The following VWA3B variants were observed in gnomAD, a reference collection of about 807,000 sequenced individuals.
VWA3B encodes the protein von Willebrand factor A domain-containing protein 3B.
Under a neutral mutation model 158.3 loss-of-function variants are expected in VWA3B, and 138 were observed. The ratio of observed to expected loss-of-function variants is 0.87; its 90% CI spans 0.76 to 1.00. The LOEUF (loss-of-function observed/expected upper bound fraction) is 1.00. Ranked by LOEUF, VWA3B falls within the 50% of genes least tolerant of loss-of-function variation. The pLI, the probability that VWA3B is intolerant of heterozygous loss-of-function variation, is 0.00. For missense variants in VWA3B, 1,555 were observed against 1,565.1 expected (o/e 0.99, Z 0.11); for synonymous variants, 596 against 587.3 (o/e 1.01, Z -0.21).
chr2:98,159,282 T>G (rs2105221291), intron 7 of VWA3B, among the ~76,000 whole-genome samples: 1 of 152,322 alleles, frequency 6.6e-6, no homozygotes, highest in Middle Eastern at 3.4e-3. Flanking sequence ...GTTTTTGAGA[T>G]GCAGTCTTTC....
At chr2:98,272,245 G>C (rs1227943537) in intron 22 of VWA3B, among the ~76,000 whole-genome samples, 1 of 152,214 alleles carries the variant, frequency 6.6e-6, no homozygotes, top group Non-Finnish European at 1.5e-5. Context: ...CTCCCTCTTT[G>C]AGTTTGATTA....
chr2:98,251,155 C>G (rs1686778426), intron 20 of VWA3B, among the ~76,000 whole-genome samples: 1 of 152,088 alleles, frequency 6.6e-6, no homozygotes, highest in Admixed American at 6.5e-5. Context: ...GTAGGGGCTT[C>G]CTACATGCTA....
At chr2:98,183,142 C>A (rs192372468) in intron 9 of VWA3B, among the ~76,000 whole-genome samples, 1 of 148,148 alleles carries the variant, frequency 6.8e-6, no homozygotes, top group Admixed American at 6.7e-5. Context: ...TGCTAGTCAA[C>A]TGTATTATGG....
intron 2 of VWA3B, 124 bp from the exon 3 acceptor site, chr2:98,115,528 A>G (rs1027632687): frequency 5.7e-6 from 4 of 699,208 alleles, no homozygotes; most frequent in African/African-American, 5.3e-5. Flanking sequence ...AATAGAAAGC[A>G]TCACAAATTA....
chr2:98,188,532 A>G (rs1681317352), intron 10 of VWA3B, among the ~76,000 whole-genome samples: 2 of 152,008 alleles, frequency 1.3e-5, no homozygotes, highest in South Asian at 2.1e-4. Flanking sequence ...ATACAGTTCT[A>G]CTCACTACCT....
the VWA3B span, among the ~76,000 whole-genome samples, chr2:98,325,089 AAG>A: frequency 6.6e-6 from 1 of 152,340 alleles, no homozygotes; most frequent in Non-Finnish European, 1.5e-5. Context: ...TTAAGATGAG[AAG>A]AGAGAGATAA....
chr2:98,118,775 A>G (rs1379232553), intron 3 of VWA3B, among the ~76,000 whole-genome samples: 2 of 152,108 alleles, frequency 1.3e-5, no homozygotes, highest in African/African-American at 4.8e-5. Context: ...ATAAAATAAA[A>G]TGTGCTTTGT....
At chr2:98,166,819 CA>C (rs1393275101) in intron 8 of VWA3B, among the ~76,000 whole-genome samples, 4 of 152,210 alleles carry the variant, frequency 2.6e-5, no homozygotes, top group Middle Eastern at 3.4e-3. Flanking sequence ...CACACACACA[CA>C]CACACTCAAA....
Position 98,193,031 on chromosome 2 carries a change from A to G in VWA3B, c.1600A>G (p.Ile534Val), listed in dbSNP as rs1318032964. ...GGTGAAGGACAAGATCATTCAGTTCATACAGGTTAGATGGAACTGTCGGTT... is the reference window on the plus strand; with the variant it reads ...GGTGAAGGACAAGATCATTCAGTTCGTACAGGTTAGATGGAACTGTCGGTT... ...DLVKDKIIQF[I>V]QEQLKYKSKF... The change falls in exon 11 of 28, where the codon ATA becomes GTA. Residue 534 changes from isoleucine to valine, a missense_variant. Coordinates refer to ENST00000477737, the MANE Select transcript of VWA3B (RefSeq NM_144992.5). 1 of 1,612,324 alleles carries G rather than the reference A, an allele frequency of 6.2e-7. No homozygotes were observed. Among genetic ancestry groups the G allele is most frequent in the Non-Finnish European group, 8.5e-7 (1 of 1,179,050 alleles).
chr2:98,188,199 T>C, intron 10 of VWA3B, 70 bp downstream of exon 10: 1 of 1,541,050 alleles, frequency 6.5e-7, no homozygotes, highest in Non-Finnish European at 8.7e-7. Context: ...TTGATCTTTT[T>C]TCCTCCCTTT....
chr2:98,193,397 C>G (rs1041002902), intron 11 of VWA3B, among the ~76,000 whole-genome samples: 1 of 152,114 alleles, frequency 6.6e-6, no homozygotes, highest in Admixed American at 6.5e-5. Context: ...GGGAGGCGTG[C>G]AGGCTGGTGT....
chr2:98,184,306 G>A (rs1004953005), intron 9 of VWA3B, among the ~76,000 whole-genome samples: 1 of 152,204 alleles, frequency 6.6e-6, no homozygotes, highest in Non-Finnish European at 1.5e-5. Context: ...GCAGGGCAGC[G>A]GAGGTGTCCA....
intron 8 of VWA3B, among the ~76,000 whole-genome samples, chr2:98,176,642 T>C (rs1680039852): frequency 6.6e-6 from 1 of 152,060 alleles, no homozygotes; most frequent in South Asian, 2.1e-4. Context: ...ATCACAGGGG[T>C]TATGGTCTCT....
At chr2:98,299,600 C>T (rs1690051511) in intron 24 of VWA3B, among the ~76,000 whole-genome samples, 1 of 152,252 alleles carries the variant, frequency 6.6e-6, no homozygotes, top group Non-Finnish European at 1.5e-5. Context: ...CTGCATGTCC[C>T]TCCACAAGAT....
chr2:98,162,139 A>G (rs963056099), intron 7 of VWA3B, among the ~76,000 whole-genome samples: 4 of 152,140 alleles, frequency 2.6e-5, no homozygotes, highest in Non-Finnish European at 5.9e-5. Context: ...GGCACACCAC[A>G]GAGTGCACAT....
At chr2:98,115,801 C>T (rs1573803501) in intron 3 of VWA3B, 55 bp downstream of exon 3, 3 of 1,423,524 alleles carry the variant, frequency 2.1e-6, no homozygotes, top group Admixed American at 1.7e-5. Context: ...GACATCACAT[C>T]GGAGAGTGCA....
intron 22 of VWA3B, among the ~76,000 whole-genome samples, chr2:98,290,127 A>C (rs1023754168): frequency 6.6e-6 from 1 of 152,186 alleles, no homozygotes; most frequent in African/African-American, 2.4e-5. Context: ...TTTAATTGAC[A>C]CAGTTCATAG....
Position 98,270,884 on chromosome 2 carries a change from G to C in VWA3B, c.3045+1G>C. On this transcript the variant is annotated splice_donor_variant, in intron 22 of 27. Transcript: ENST00000477737. LOFTEE classifies it high-confidence loss of function. ...TTATGCAAACAAGGCCCCGGGAGAG[G>C]TGGGTGCCCTGGAGGTCTCTGTCTT... 6.2e-7 allele frequency: 1 copy of C among 1,613,588 alleles called. No homozygotes were observed. Among genetic ancestry groups the C allele is most frequent in the South Asian group, 1.1e-5 (1 of 91,044 alleles).
In VWA3B at chr2:98,119,689, T is replaced by TG. The variant is rs1315151575; in HGVS notation, c.469dup (p.Asp157GlyfsTer53). The TG allele has an allele frequency of 6.2e-7, 1 of 1,614,162 alleles. No homozygotes were observed. Among genetic ancestry groups the TG allele is most frequent in the South Asian group, 1.1e-5 (1 of 91,074 alleles). ...TTGGCGGCATTCTGGAGGGGGAGCT[T>TG]GATCTGTGCCGAGAGGCTCTAACAA... On this transcript the variant is annotated frameshift_variant, in exon 4 of 28. Transcript: ENST00000477737. LOFTEE classifies it high-confidence loss of function.
Sources: allele counts gnomAD v4.1 joint callset (sites outside exome capture counted in the v4.1 genomes callset), GRCh38; gene constraint gnomAD v4.1.1; transcripts MANE v1.5; gene names NCBI Gene and HGNC (gene_info 2026-07-23, HGNC 2026-07-21).